PHC3: variants seen among roughly 807,000 people sequenced by gnomAD.
PHC3 encodes the protein polyhomeotic-like protein 3.
Under a neutral mutation model 107.4 loss-of-function variants are expected in PHC3, and 13 were observed. That is an observed-to-expected ratio of 0.12 (90% confidence interval 0.08 to 0.19). PHC3 has a LOEUF of 0.19. PHC3 is among the 10% of genes least tolerant of loss of function. PHC3 has a pLI of 1.00. For missense variants in PHC3, 992 were observed against 1,210.9 expected (o/e 0.82, Z 2.68); for synonymous variants, 456 against 427.4 (o/e 1.07, Z -0.83).
At chr3:170,114,328 C>T (rs6444898) in intron 10 of PHC3, among the ~76,000 whole-genome samples, 45,759 of 152,004 alleles carry the variant, frequency 0.3, 6,960 homozygotes, top group East Asian at 0.49. Flanking sequence ...GTTTTCCATA[C>T]GAATGCAAGA....
Position 170,094,051 on chromosome 3 carries a change from C to T in PHC3, c.*3179G>A, listed in dbSNP as rs565271088. On this transcript the variant is annotated 3_prime_UTR_variant, in exon 15 of 15. Coordinates refer to ENST00000495893, the MANE Select transcript of PHC3 (RefSeq NM_024947.4). ...TTTCTCTCCTCCCATTCCACCTTGT[C>T]TACTCCTAGGTGACTGCTCTTAAAA... 5.3e-5 allele frequency: 8 copies of T among 152,312 alleles called. No homozygotes were observed. Among genetic ancestry groups the T allele is most frequent in the African/African-American group, 1.7e-4 (7 of 41,570 alleles). The allele number at this position is 152,312 out of a possible 1,614,324, so 9.4% of individuals were successfully genotyped here. A position where few individuals can be genotyped will look rare whatever the true frequency, so the allele number is the denominator to read the frequency against.
At chr3:170,099,555 T>C (rs1343079418) in intron 14 of PHC3, among the ~76,000 whole-genome samples, 2 of 152,108 alleles carry the variant, frequency 1.3e-5, no homozygotes, top group Non-Finnish European at 2.9e-5. Context: ...GTACAAAACA[T>C]ACACCAACTG....
At chr3:170,165,687 G>A (rs1436046059) in intron 4 of PHC3, among the ~76,000 whole-genome samples, 1 of 146,590 alleles carries the variant, frequency 6.8e-6, no homozygotes, top group African/African-American at 2.5e-5. Context: ...CCAGGAGGTG[G>A]AAGTTGCAGT....
intron 7 of PHC3, among the ~76,000 whole-genome samples, chr3:170,133,182 C>CTT (rs757533544): frequency 7.8e-5 from 11 of 141,426 alleles, no homozygotes; most frequent in Non-Finnish European, 1.4e-4. Context: ...TTCAGATTAA[C>CTT]TTTTTTTTTT....
chr3:170,138,689 CAAAAAAAAAAAA>C (rs11284597), intron 6 of PHC3, among the ~76,000 whole-genome samples: 1,930 of 81,374 alleles, frequency 0.024, 31 homozygotes, highest in Non-Finnish European at 0.032. Flanking sequence ...GACTCTGTCT[CAAAAAAAAAAAA>C]AAAAAAAAAG....
At position 170,097,180 on chromosome 3, in the gene PHC3, T is replaced by C; in HGVS notation, c.*50A>G. The C allele has an allele frequency of 6.5e-7, 1 of 1,542,448 alleles. No homozygotes were observed. Among genetic ancestry groups the C allele is most frequent in the South Asian group, 1.2e-5 (1 of 80,664 alleles). On this transcript the variant is annotated 3_prime_UTR_variant, in exon 15 of 15. Coordinates refer to ENST00000495893, the MANE Select transcript of PHC3 (RefSeq NM_024947.4). This position sits in a 1 kb window ranked among gnomAD's most constrained non-coding sequence, Gnocchi z 4.1. ...CCAAGTTAGGCCTTTACCTTACAAGTTTTTGTGAGAAAAGTAAAACTGCTG... is the reference window on the plus strand; with the variant it reads ...CCAAGTTAGGCCTTTACCTTACAAGCTTTTGTGAGAAAAGTAAAACTGCTG...
At chr3:170,130,408 T>C (rs904660470) in intron 7 of PHC3, among the ~76,000 whole-genome samples, 9 of 152,186 alleles carry the variant, frequency 5.9e-5, no homozygotes, top group Admixed American at 5.2e-4. Context: ...ATATATCATT[T>C]GACCCAGGAA....
chr3:170,169,286 G>A (rs1472163849), intron 4 of PHC3, among the ~76,000 whole-genome samples: 2 of 151,932 alleles, frequency 1.3e-5, no homozygotes, highest in African/African-American at 2.4e-5. Flanking sequence ...CCTTTCCCAC[G>A]GCTTCACTGT....
chr3:170,145,602 T>C, intron 5 of PHC3, 81 bp from the exon 6 acceptor site: 2 of 906,662 alleles, frequency 2.2e-6, no homozygotes, highest in South Asian at 2.0e-5. Context: ...CAAGAGAGAC[T>C]GAAATTTGTG....
chr3:170,180,133 T>TA (rs200760932), intron 1 of PHC3, among the ~76,000 whole-genome samples: 1,851 of 99,286 alleles, frequency 0.019, 41 homozygotes, highest in African/African-American at 0.064. Flanking sequence ...GAACCAAATG[T>TA]AAAAAAAAAC....
intron 5 of PHC3, chr3:170,147,628 A>G (rs1252607667): frequency 6.6e-6 from 1 of 152,232 alleles, no homozygotes; most frequent in Non-Finnish European, 1.5e-5. Flanking sequence ...ATATATGTAA[A>G]GACGATGTAA....
At chr3:170,116,363 A>G (rs1374816399) in intron 10 of PHC3, among the ~76,000 whole-genome samples, 2 of 152,144 alleles carry the variant, frequency 1.3e-5, no homozygotes, top group African/African-American at 4.8e-5. Flanking sequence ...CAGGAGTTTG[A>G]GACCAGCCTG....
At chr3:170,118,574 G>T (rs906923834) in intron 9 of PHC3, among the ~76,000 whole-genome samples, 1 of 152,042 alleles carries the variant, frequency 6.6e-6, no homozygotes, top group East Asian at 1.9e-4. Flanking sequence ...ACCATGCCTG[G>T]ATAATTTTTT....
At position 170,180,564 on chromosome 3, in the gene PHC3, G is replaced by GTT. The variant is rs199582784; in HGVS notation, c.14+1136_14+1137dup. Reference sequence around the variant, plus strand: ...ATAATTCATACATTTTTATGCTTCTGTTTTTTTTTTTTTTTTCCAAACTGC... The same window carrying GTT: ...ATAATTCATACATTTTTATGCTTCTGTTTTTTTTTTTTTTTTTTCCAAACTGC... On this transcript the variant is annotated intron_variant, in intron 1 of 14. Transcript: ENST00000495893. Among the ~76,000 whole-genome samples the GTT allele has an allele frequency of 6.7e-3, 929 of 138,820 alleles. 1 individual carries two copies. The highest frequency in any genetic ancestry group is 0.011 in the South Asian group (48 of 4,396). The allele number at this position is 138,820 out of a possible 152,430, so 91.1% of individuals were successfully genotyped here.
At position 170,181,705 on chromosome 3, in the gene PHC3, G is replaced by C. The variant is rs773893210; in HGVS notation, c.11C>G (p.Ala4Gly). 1 of 1,613,000 alleles carries C rather than the reference G, an allele frequency of 6.2e-7. No homozygotes were observed. Among genetic ancestry groups the C allele is most frequent in the East Asian group, 2.2e-5 (1 of 44,836 alleles). Reference sequence around the variant, plus strand: ...CAGTCACCATCTAGTCACTCACTCCGCTTCCGCCATCTTCTCTCCTCCATC... The same window carrying C: ...CAGTCACCATCTAGTCACTCACTCCCCTTCCGCCATCTTCTCTCCTCCATC... MAE[A>G]EFKDHSTAMD... is the part of the protein sequence containing the mutation. The change falls in exon 1 of 15, where the codon GCG becomes GGG. Residue 4 changes from alanine (A) to glycine (G), a missense_variant. Physicochemically the swap from Ala to Gly is moderately conservative, Grantham distance 60. This residue lies in a region of PHC3 where 161 missense variants were observed against 183.7 expected (regional missense o/e 0.88). Coordinates refer to ENST00000495893, the MANE Select transcript of PHC3 (RefSeq NM_024947.4).
At chr3:170,100,918 C>G (rs1276581619) in intron 14 of PHC3, among the ~76,000 whole-genome samples, 1 of 152,174 alleles carries the variant, frequency 6.6e-6, no homozygotes, top group East Asian at 1.9e-4. Context: ...AAATCAGGCT[C>G]ACAAACAGAT....
chr3:170,171,166 C>CA, intron 4 of PHC3: 1 of 573,828 alleles, frequency 1.7e-6, no homozygotes, highest in African/African-American at 1.9e-5. Context: ...AGAAATAATA[C>CA]AAAAAGATTT....
intron 4 of PHC3, among the ~76,000 whole-genome samples, chr3:170,162,972 T>C (rs139521412): frequency 9.5e-4 from 132 of 139,570 alleles, no homozygotes; most frequent in South Asian, 6.3e-3. Flanking sequence ...TATTCCCCCA[T>C]TGCTTTATTT....
intron 4 of PHC3, among the ~76,000 whole-genome samples, chr3:170,163,273 T>C (rs1728191323): frequency 6.6e-6 from 1 of 152,200 alleles, no homozygotes; most frequent in Non-Finnish European, 1.5e-5. Flanking sequence ...AAAAAGTTTT[T>C]TCCCTTTCTG....
Sources: allele counts gnomAD v4.1 joint callset (sites outside exome capture counted in the v4.1 genomes callset), GRCh38; gene constraint gnomAD v4.1.1; regional missense constraint gnomAD v4.1.1; non-coding constraint Gnocchi (gnomAD v3.1); transcripts MANE v1.5; gene names NCBI Gene and HGNC (gene_info 2026-07-23, HGNC 2026-07-21).